Variants in PPP2R5E observed in about 807,000 individuals in gnomAD.
PPP2R5E encodes protein phosphatase 2 regulatory subunit B'epsilon.
PPP2R5E carries 4 observed loss-of-function variants against 65.3 expected under a neutral mutation model. The observed-to-expected ratio is 0.06, with a 90% CI of 0.03 to 0.14. The LOEUF (loss-of-function observed/expected upper bound fraction) is 0.14. Ranked by LOEUF, PPP2R5E falls within the 10% of genes least tolerant of loss-of-function variation. PPP2R5E has a pLI of 1.00. For missense variants in PPP2R5E, 274 were observed against 556.1 expected (o/e 0.49, Z 5.10); for synonymous variants, 183 against 187.4 (o/e 0.98, Z 0.19).
intron 5 of PPP2R5E, among the ~76,000 whole-genome samples, chr14:63,403,269 A>T (rs1343497750): frequency 2.6e-5 from 4 of 152,100 alleles, no homozygotes; most frequent in African/African-American, 9.6e-5. Context: ...CTCTACTGAA[A>T]ATACAAAAAT....
chr14:63,433,017 T>G (rs1276301245), intron 3 of PPP2R5E, among the ~76,000 whole-genome samples: 3 of 146,320 alleles, frequency 2.1e-5, no homozygotes, highest in Admixed American at 1.4e-4. Context: ...ACAGTTTTGT[T>G]TTTTGTTTTG....
chr14:63,445,783 A>T (rs1888444700), intron 3 of PPP2R5E, among the ~76,000 whole-genome samples: 1 of 151,956 alleles, frequency 6.6e-6, no homozygotes, highest in African/African-American at 2.4e-5. Flanking sequence ...CGGAGGTTGC[A>T]GTGAGCGGAG....
At chr14:63,507,829 C>G (rs138665574) in intron 2 of PPP2R5E, among the ~76,000 whole-genome samples, 2,047 of 152,138 alleles carry the variant, frequency 0.013, 54 homozygotes, top group East Asian at 0.1. Context: ...CCGCCCACCT[C>G]GGCCTCCCAA....
rs1264412760 is a variant in PPP2R5E at position 63,543,345 on chromosome 14, A to G, written c.-574T>C. 6.5e-6 allele frequency: 1 copy of G among 152,954 alleles called. No homozygotes were observed. The highest frequency in any genetic ancestry group is 1.5e-5 in the Non-Finnish European group (1 of 68,370). The allele number at this position is 152,954 out of a possible 1,614,324, so 9.5% of individuals were successfully genotyped here. A position where few individuals can be genotyped will look rare whatever the true frequency, so the allele number is the denominator to read the frequency against. ...TCAATATCACCGGGCGGCTGAGTCC[A>G]TGGCACACGCGCAACCGAACCTTCT... is the stretch of plus-strand genomic sequence containing the variant. On this transcript the variant is annotated 5_prime_UTR_variant, in exon 1 of 14. It removes an upstream start codon present in the reference 5' UTR. Transcript: ENST00000337537.
At chr14:63,448,026 G>A (rs1039171472) in intron 3 of PPP2R5E, among the ~76,000 whole-genome samples, 7 of 152,102 alleles carry the variant, frequency 4.6e-5, no homozygotes, top group Non-Finnish European at 8.8e-5. Flanking sequence ...GGTCGGGCGC[G>A]GTGGCTCACG....
At chr14:63,446,382 G>C (rs1888476245) in intron 3 of PPP2R5E, among the ~76,000 whole-genome samples, 1 of 152,066 alleles carries the variant, frequency 6.6e-6, no homozygotes, top group Non-Finnish European at 1.5e-5. Flanking sequence ...CTTTTCAGAA[G>C]GTTTTCGATT....
intron 11 of PPP2R5E, 144 bp downstream of exon 11, chr14:63,389,468 G>T: frequency 1.0e-6 from 1 of 958,228 alleles, no homozygotes; most frequent in Non-Finnish European, 1.5e-6. Flanking sequence ...CTCAAGATAA[G>T]CTGGCCACTA....
At chr14:63,410,759 C>A (rs1886349662) in intron 5 of PPP2R5E, among the ~76,000 whole-genome samples, 1 of 152,152 alleles carries the variant, frequency 6.6e-6, no homozygotes, top group African/African-American at 2.4e-5. Flanking sequence ...GGCTTATTCC[C>A]AACATGGCAG....
chr14:63,473,302 A>G (rs570678475), intron 2 of PPP2R5E, among the ~76,000 whole-genome samples: 17 of 152,336 alleles, frequency 1.1e-4, no homozygotes, highest in Admixed American at 6.5e-5. Context: ...GAGATTCCAG[A>G]GTTTTCCCAT....
At chr14:63,526,546 C>T (rs540079175) in intron 2 of PPP2R5E, among the ~76,000 whole-genome samples, 1 of 152,040 alleles carries the variant, frequency 6.6e-6, no homozygotes, top group East Asian at 1.9e-4. Flanking sequence ...CTCTCTCAAT[C>T]TTTCTCTCTT....
intron 5 of PPP2R5E, among the ~76,000 whole-genome samples, chr14:63,405,241 G>A (rs1885995611): frequency 6.6e-6 from 1 of 152,194 alleles, no homozygotes; most frequent in South Asian, 2.1e-4. Flanking sequence ...ACTTGCTATA[G>A]GCTGTGAGAG....
chr14:63,468,747 G>C, intron 2 of PPP2R5E, among the ~76,000 whole-genome samples: 1 of 152,196 alleles, frequency 6.6e-6, no homozygotes, highest in East Asian at 1.9e-4. Context: ...TTTTAAATTA[G>C]TATCATACTC....
At chr14:63,418,782 T>C (rs1186063785) in intron 4 of PPP2R5E, among the ~76,000 whole-genome samples, 1 of 152,138 alleles carries the variant, frequency 6.6e-6, no homozygotes, top group Non-Finnish European at 1.5e-5. Flanking sequence ...AATTATTCTT[T>C]TGTCTATTTT....
At chr14:63,476,799 C>T (rs1294953979) in intron 2 of PPP2R5E, among the ~76,000 whole-genome samples, 2 of 152,216 alleles carry the variant, frequency 1.3e-5, no homozygotes, top group East Asian at 3.9e-4. Context: ...ATTACTTATT[C>T]ATGACATTCA....
chr14:63,526,205 A>G (rs1893177845), intron 2 of PPP2R5E, among the ~76,000 whole-genome samples: 1 of 152,162 alleles, frequency 6.6e-6, no homozygotes, highest in South Asian at 2.1e-4. Flanking sequence ...TGCAAAACTA[A>G]CATGGCTCAA....
intron 2 of PPP2R5E, among the ~76,000 whole-genome samples, chr14:63,538,244 G>A (rs1403576506): frequency 6.7e-6 from 1 of 148,562 alleles, no homozygotes; most frequent in Non-Finnish European, 1.5e-5. Flanking sequence ...GCCACAGTGA[G>A]CCCCAACCTG....
At chr14:63,460,796 C>T (rs950381643) in intron 2 of PPP2R5E, among the ~76,000 whole-genome samples, 24 of 152,174 alleles carry the variant, frequency 1.6e-4, no homozygotes, top group African/African-American at 5.1e-4. Flanking sequence ...ACTAGTATGG[C>T]TTCAAGCAGC....
intron 3 of PPP2R5E, among the ~76,000 whole-genome samples, chr14:63,437,066 G>C (rs1169411613): frequency 1.3e-5 from 2 of 152,302 alleles, no homozygotes; most frequent in African/African-American, 2.4e-5. Flanking sequence ...AGATGGCAAG[G>C]AGAGTGACCT....
intron 5 of PPP2R5E, among the ~76,000 whole-genome samples, chr14:63,413,429 C>G (rs563519749): frequency 2.5e-4 from 38 of 152,294 alleles, no homozygotes; most frequent in East Asian, 9.6e-4. Flanking sequence ...CTCCAAGTTA[C>G]AGTGAGGGAA....
Sources: gnomAD v4.1 joint callset for allele counts (sites outside exome capture counted in the v4.1 genomes callset) on GRCh38, gnomAD v4.1.1 for gene constraint, MANE v1.5 for transcripts, NCBI Gene and HGNC (gene_info 2026-07-23, HGNC 2026-07-21) for gene names.